Variants in SCAF11 observed in about 807,000 individuals in gnomAD.
The protein encoded by SCAF11 is protein SCAF11.
In SCAF11, 47 loss-of-function variants were observed where a neutral mutation model predicts 140.5. That is an observed-to-expected ratio of 0.33 (90% CI 0.26 to 0.43). The LOEUF (loss-of-function observed/expected upper bound fraction) is 0.43, where lower values mean the gene tolerates loss of function less well. Among genes scored for constraint, SCAF11 ranks in the 20% least tolerant of loss-of-function variants. The probability of loss-of-function intolerance (pLI) is 1.00; values close to 1 mark genes in which losing one functional copy is unlikely to be tolerated. For synonymous variants in SCAF11, 557 were observed against 579.4 expected, an observed-to-expected ratio of 0.96 and a Z score of 0.55; for missense variants, 1,645 against 1,705.1, an observed-to-expected ratio of 0.96 and a Z score of 0.62.
At chr12:45,934,082 T>A (rs935317239) in intron 8 of SCAF11, 94 bp downstream of exon 8, 1 of 717,978 alleles carries the variant, frequency 1.4e-6, no homozygotes, top group Non-Finnish European at 2.1e-6. Context: ...GCCTTTCAGT[T>A]TTTATTGGGC....
chr12:45,951,659 A>T lies in SCAF11; in HGVS notation c.288T>A (p.Gly96=). 1 of 1,578,634 alleles carries T rather than the reference A, an allele frequency of 6.3e-7. No individual in the cohort carries two copies. Residue 96 remains glycine (G), a synonymous_variant, in exon 4 of 15, where the codon GGT becomes GGA. Coordinates refer to ENST00000369367, the MANE Select transcript of SCAF11 (RefSeq NM_004719.3). ...QAVFKFSALE[G]YVKVQVKKQL... Reference sequence around the variant, plus strand: ...GAATAAAAAGACTTACCTTAACATAACCTTCCAATGCACTGAATTTAAACA... The same window carrying T: ...GAATAAAAAGACTTACCTTAACATATCCTTCCAATGCACTGAATTTAAACA...
chr12:45,925,495 GCAAAGAT>G (rs1471911512), intron 11 of SCAF11, among the ~76,000 whole-genome samples: 1 of 152,174 alleles, frequency 6.6e-6, no homozygotes, highest in African/African-American at 2.4e-5. Flanking sequence ...GTTGCAGTGA[GCAAAGAT>G]CATGCCATTG....
chr12:45,987,970 A>G (rs570804087), intron 1 of SCAF11, among the ~76,000 whole-genome samples: 2 of 152,350 alleles, frequency 1.3e-5, no homozygotes, highest in African/African-American at 4.8e-5. Context: ...TCATAGACAC[A>G]ACTTAAAAAA....
At chr12:45,979,153 G>A (rs1946298353) in intron 1 of SCAF11, among the ~76,000 whole-genome samples, 1 of 142,570 alleles carries the variant, frequency 7.0e-6, no homozygotes, top group Non-Finnish European at 1.5e-5. Flanking sequence ...AAAGGGCCCT[G>A]TTAGTTCTCT....
intron 1 of SCAF11, chr12:45,974,155 T>A (rs1310088161): frequency 2.1e-6 from 1 of 470,508 alleles, no homozygotes; most frequent in Non-Finnish European, 4.4e-6. Flanking sequence ...AACAGCATTA[T>A]GTCTAAAAAC....
At chr12:45,930,000 A>AT (rs1292154280) in intron 10 of SCAF11, 1 of 150,040 alleles carries the variant, frequency 6.7e-6, no homozygotes, top group Non-Finnish European at 1.5e-5. Flanking sequence ...GAATTAATAT[A>AT]TTTTTTATGT....
chr12:45,955,880 G>C, intron 3 of SCAF11: 1 of 377,212 alleles, frequency 2.7e-6, no homozygotes, highest in East Asian at 5.1e-5. Context: ...AAAATTAATG[G>C]AATTTGCTCA....
chr12:45,959,009 A>G (rs1203433196), intron 3 of SCAF11, among the ~76,000 whole-genome samples: 1 of 152,212 alleles, frequency 6.6e-6, no homozygotes, highest in Non-Finnish European at 1.5e-5. Flanking sequence ...AAGTAAATAA[A>G]TGAGTCCTTT....
intron 3 of SCAF11, among the ~76,000 whole-genome samples, chr12:45,956,746 T>C (rs945214567): frequency 6.6e-6 from 1 of 152,208 alleles, no homozygotes; most frequent in Admixed American, 6.5e-5. Flanking sequence ...CTTTATCTAG[T>C]GTAAAAACAA....
At position 45,974,172 on chromosome 12, in the gene SCAF11, T is replaced by C. The variant is rs1438675217; in HGVS notation, c.-21-9984A>G. ...CAGCATTATGTCTAAAAACTGTACA[T>C]ACTTGATTTAAAAATACCTTATTGC... On this transcript the variant is annotated intron_variant, in intron 1 of 14. Transcript: ENST00000369367. 4.5e-5 allele frequency: 21 copies of C among 470,850 alleles called. No individual in the cohort carries two copies. In the Admixed American group the frequency reaches 4.5e-4, roughly 10 times the overall value. 29.2% of individuals were successfully genotyped at this position (470,850 alleles called of 1,614,324 possible).
chr12:45,954,909 C>CA (rs1414660959), intron 3 of SCAF11: 8 of 148,262 alleles, frequency 5.4e-5, no homozygotes, highest in Admixed American at 2.0e-4. Flanking sequence ...TGATCCGTTT[C>CA]AAAAAACAGT....
At chr12:45,952,573 CTATGAT>C (rs1191299083) in intron 3 of SCAF11, among the ~76,000 whole-genome samples, 13 of 152,258 alleles carry the variant, frequency 8.5e-5, no homozygotes, top group East Asian at 1.9e-4. Context: ...TTAAGTGATA[CTATGAT>C]TATAAGTCAA....
chr12:45,944,271 A>C (rs1453043681), intron 6 of SCAF11, among the ~76,000 whole-genome samples: 1 of 152,224 alleles, frequency 6.6e-6, no homozygotes, highest in Non-Finnish European at 1.5e-5. Flanking sequence ...CTGACAAAAG[A>C]AAAATGCCTT....
Position 45,921,919 on chromosome 12 carries a change from C to T in SCAF11, c.*129G>A. The T allele has an allele frequency of 3.7e-6, 4 of 1,076,874 alleles. No individual in the cohort carries two copies. Among genetic ancestry groups the T allele is most frequent in the Non-Finnish European group, 5.4e-6 (4 of 746,998 alleles). The allele number at this position is 1,076,874 out of a possible 1,614,324, so 66.7% of individuals were successfully genotyped here. A position where few individuals can be genotyped will look rare whatever the true frequency, so the allele number is the denominator to read the frequency against. On this transcript the variant is annotated 3_prime_UTR_variant, in exon 15 of 15. Coordinates refer to ENST00000369367, the MANE Select transcript of SCAF11 (RefSeq NM_004719.3). ...TTTATTTAGAACAAAACATCATATC[C>T]TATGTTAAAAAAATAATTTTATCAA...
chr12:45,983,536 G>T (rs1039701355), intron 1 of SCAF11, among the ~76,000 whole-genome samples: 1 of 151,972 alleles, frequency 6.6e-6, no homozygotes, highest in Non-Finnish European at 1.5e-5. Context: ...CATTAAAAAG[G>T]CTTAAAAATC....
chr12:45,980,469 T>C (rs747475330), intron 1 of SCAF11, among the ~76,000 whole-genome samples: 14 of 152,270 alleles, frequency 9.2e-5, no homozygotes, highest in Non-Finnish European at 1.9e-4. Flanking sequence ...CTTGAGAGAT[T>C]AACTTCATTT....
intron 1 of SCAF11, 105 bp downstream of exon 1, chr12:45,990,248 C>G: frequency 8.2e-7 from 1 of 1,225,644 alleles, no homozygotes; most frequent in Non-Finnish European, 1.0e-6. Flanking sequence ...TGTCAGCCCT[C>G]GCGTCGCCCT....
At chr12:45,959,372 CGTA>C (rs1402223202) in intron 3 of SCAF11, among the ~76,000 whole-genome samples, 1 of 152,034 alleles carries the variant, frequency 6.6e-6, no homozygotes, top group Non-Finnish European at 1.5e-5. Context: ...ACTTAAAAAT[CGTA>C]AGTTTAGAAT....
At chr12:45,974,308 T>C in intron 1 of SCAF11, 1 of 453,020 alleles carries the variant, frequency 2.2e-6, no homozygotes, top group Non-Finnish European at 4.5e-6. Flanking sequence ...GGATGGTAGT[T>C]GCTGAAGGGC....
Sources: allele counts gnomAD v4.1 joint callset (sites outside exome capture counted in the v4.1 genomes callset), GRCh38; gene constraint gnomAD v4.1.1; transcripts MANE v1.5; gene names NCBI Gene and HGNC (gene_info 2026-07-23, HGNC 2026-07-21).